NBEA: variants seen among roughly 807,000 people sequenced by gnomAD.
NBEA encodes neurobeachin.
NBEA carries 44 observed loss-of-function variants against 343.4 expected under a neutral mutation model. The ratio of observed to expected loss-of-function variants is 0.13; its 90% CI spans 0.10 to 0.16. NBEA has a LOEUF of 0.16. Ranked by LOEUF, NBEA falls within the 10% of genes least tolerant of loss-of-function variation. The pLI is 1.00. For missense variants in NBEA, 2,555 were observed against 3,631.3 expected (o/e 0.70, Z 7.62); for synonymous variants, 1,175 against 1,238.7 (o/e 0.95, Z 1.08).
chr13:35,472,820 C>T (rs957408832), intron 41 of NBEA, among the ~76,000 whole-genome samples: 1 of 152,188 alleles, frequency 6.6e-6, no homozygotes, highest in Non-Finnish European at 1.5e-5. Flanking sequence ...TTCCAAGTCC[C>T]TGGGGCCCAG....
At chr13:35,049,367 C>T (rs2062982849) in intron 5 of NBEA, among the ~76,000 whole-genome samples, 1 of 151,808 alleles carries the variant, frequency 6.6e-6, no homozygotes, top group African/African-American at 2.4e-5. Flanking sequence ...CAAGTTCTGG[C>T]TTTACCACCT....
chr13:35,433,613 A>G (rs1474231293), intron 39 of NBEA, among the ~76,000 whole-genome samples: 2 of 152,028 alleles, frequency 1.3e-5, no homozygotes, highest in Non-Finnish European at 2.9e-5. Context: ...AAAAATAGAT[A>G]AGGATTTCAT....
chr13:35,410,646 A>T (rs2152916482), intron 38 of NBEA, among the ~76,000 whole-genome samples: 1 of 152,298 alleles, frequency 6.6e-6, no homozygotes, highest in East Asian at 1.9e-4. Flanking sequence ...GATACCAGCC[A>T]TTTAGTCCAT....
intron 47 of NBEA, among the ~76,000 whole-genome samples, chr13:35,595,832 G>A (rs1372710752): frequency 1.3e-5 from 2 of 152,030 alleles, no homozygotes; most frequent in African/African-American, 4.8e-5. Flanking sequence ...ATTAAACAAT[G>A]GAACTTCTGC....
rs778591621 is a variant in NBEA at position 35,606,532 on chromosome 13, C to T, written c.7403C>T (p.Pro2468Leu). 1 of 1,606,856 alleles carries T rather than the reference C, an allele frequency of 6.2e-7. No homozygotes were observed. Among genetic ancestry groups the T allele is most frequent in the East Asian group, 2.2e-5 (1 of 44,644 alleles). The change falls in exon 48 of 59, where the codon CCC becomes CTC. Residue 2468 changes from proline (P) to leucine (L), a missense_variant. Around this residue, in one of 21 missense-constraint regions of NBEA, gnomAD observed 156 missense variants for 185.8 expected, o/e 0.84. Coordinates refer to ENST00000379939, the MANE Select transcript of NBEA (RefSeq NM_001385012.1). ...GTAGTGGTAAATGATGTTGATCTTC[C>T]CCCTTGGGCAAAAAAACCTGAAGAC... ...DEVVVNDVDL[P>L]PWAKKPEDFV...
intron 38 of NBEA, among the ~76,000 whole-genome samples, chr13:35,359,974 G>A (rs2040716060): frequency 6.6e-6 from 1 of 151,708 alleles, no homozygotes; most frequent in Non-Finnish European, 1.5e-5. Context: ...TACTTCCATT[G>A]GAATGTCTTA....
intron 38 of NBEA, among the ~76,000 whole-genome samples, chr13:35,359,158 C>A (rs1028993719): frequency 6.6e-6 from 1 of 152,160 alleles, no homozygotes; most frequent in East Asian, 1.9e-4. Context: ...TATGTTTTAA[C>A]AACATCAGTC....
At chr13:35,392,618 A>AT (rs547104558) in intron 38 of NBEA, among the ~76,000 whole-genome samples, 4 of 152,144 alleles carry the variant, frequency 2.6e-5, no homozygotes, top group African/African-American at 4.8e-5. Context: ...TAGCTGCACC[A>AT]TACTGATCTT....
intron 10 of NBEA, among the ~76,000 whole-genome samples, chr13:35,072,743 A>G (rs1431539009): frequency 6.6e-6 from 1 of 151,778 alleles, no homozygotes; most frequent in Non-Finnish European, 1.5e-5. Flanking sequence ...TTTTATTTTT[A>G]GTAGACACAG....
At chr13:35,113,397 T>C (rs2066314296) in intron 13 of NBEA, among the ~76,000 whole-genome samples, 2 of 152,136 alleles carry the variant, frequency 1.3e-5, no homozygotes, top group Non-Finnish European at 2.9e-5. Flanking sequence ...TTAATAAGTA[T>C]TTGGTGGAGA....
intron 47 of NBEA, among the ~76,000 whole-genome samples, chr13:35,605,619 T>G (rs980117376): frequency 1.3e-5 from 2 of 152,164 alleles, no homozygotes; most frequent in Non-Finnish European, 2.9e-5. Flanking sequence ...TTCTCCCAAT[T>G]ACTTTTTAAA....
At chr13:35,299,099 T>C (rs946376900) in intron 35 of NBEA, among the ~76,000 whole-genome samples, 2 of 152,126 alleles carry the variant, frequency 1.3e-5, no homozygotes, top group African/African-American at 4.8e-5. Context: ...ATGCCAGTTA[T>C]AATGAACATT....
intron 38 of NBEA, among the ~76,000 whole-genome samples, chr13:35,368,428 A>G (rs1369610698): frequency 1.3e-5 from 2 of 151,480 alleles, no homozygotes; most frequent in Non-Finnish European, 3.0e-5. Context: ...GGAATAAAAT[A>G]CCTGTCAGAT....
At chr13:35,346,177 G>T (rs1400804455) in intron 36 of NBEA, among the ~76,000 whole-genome samples, 2 of 152,016 alleles carry the variant, frequency 1.3e-5, no homozygotes, top group Non-Finnish European at 2.9e-5. Context: ...TTGCTCCTGG[G>T]AATGATATGT....
At chr13:35,068,526 T>G (rs1346331621) in intron 8 of NBEA, among the ~76,000 whole-genome samples, 1 of 152,186 alleles carries the variant, frequency 6.6e-6, no homozygotes, top group Non-Finnish European at 1.5e-5. Flanking sequence ...GCAGGTATGC[T>G]GAGTTCTTAA....
chr13:34,948,251 T>G (rs2059247907), intron 1 of NBEA, among the ~76,000 whole-genome samples: 1 of 152,170 alleles, frequency 6.6e-6, no homozygotes, highest in Non-Finnish European at 1.5e-5. Flanking sequence ...ACTGCCTGCC[T>G]TGAGGGTCAG....
At chr13:35,164,532 G>C in intron 24 of NBEA, 23 bp downstream of exon 24, 1 of 1,599,280 alleles carries the variant, frequency 6.3e-7, no homozygotes, top group Non-Finnish European at 8.5e-7. Flanking sequence ...CCTCCATCTA[G>C]TGGTTATATT....
At chr13:35,225,539 A>G (rs540879505) in intron 33 of NBEA, among the ~76,000 whole-genome samples, 33 of 152,254 alleles carry the variant, frequency 2.2e-4, no homozygotes, top group African/African-American at 7.5e-4. Context: ...GCAGTCTTCC[A>G]TGCTGCCTCC....
chr13:35,373,372 A>G (rs1420902796), intron 38 of NBEA, among the ~76,000 whole-genome samples: 4 of 152,190 alleles, frequency 2.6e-5, no homozygotes, highest in Admixed American at 2.6e-4. Context: ...TATATACTGT[A>G]TTCTTACAAG....
Sources: allele counts gnomAD v4.1 joint callset (sites outside exome capture counted in the v4.1 genomes callset), GRCh38; gene constraint gnomAD v4.1.1; regional missense constraint gnomAD v4.1.1; transcripts MANE v1.5; gene names NCBI Gene and HGNC (gene_info 2026-07-23, HGNC 2026-07-21).